Variants in PCNX4 observed in about 807,000 individuals in gnomAD.
PCNX4 encodes the protein pecanex 4, also known as pecanex-like protein 4.
A neutral mutation model predicts 107.2 loss-of-function variants in PCNX4; 103 were observed. The ratio of observed to expected loss-of-function variants is 0.96; its 90% CI spans 0.82 to 1.13. The LOEUF (loss-of-function observed/expected upper bound fraction) is 1.13. Among genes scored for constraint, PCNX4 ranks in the 50% most tolerant of loss-of-function variants. The pLI is 0.00. For missense variants in PCNX4, 1,528 were observed against 1,379.4 expected (o/e 1.11, Z -1.71); for synonymous variants, 541 against 481.7 (o/e 1.12, Z -1.61).
chr14:60,112,684 G>A (rs1408926206), intron 2 of PCNX4, among the ~76,000 whole-genome samples: 2 of 152,116 alleles, frequency 1.3e-5, no homozygotes, highest in Admixed American at 1.3e-4. Flanking sequence ...TGATAGAGGA[G>A]TGTTGTCTTG....
chr14:60,122,005 T>G (rs1487511985), intron 8 of PCNX4, among the ~76,000 whole-genome samples: 1 of 152,226 alleles, frequency 6.6e-6, no homozygotes, highest in African/African-American at 2.4e-5. Context: ...TAGTCCTTGC[T>G]GACAACTCTG....
chr14:60,118,577 T>C lies in PCNX4; in HGVS notation c.1827T>C (p.Ser609=). 6.2e-7 allele frequency: 1 copy of C among 1,613,854 alleles called. No homozygotes were observed. Among genetic ancestry groups the C allele is most frequent in the African/African-American group, 1.3e-5 (1 of 75,046 alleles). ...TGGGGTTTCCCCGACCTATTCAGAG[T>C]TGGCCAGGAGCAGCAGGCACCACAG... ...FLVGFPRPIQ[S]WPGAAGTTAC... is the part of the protein sequence containing the mutation. The change falls in exon 7 of 11, where the codon AGT becomes AGC. Residue 609 remains serine, a synonymous_variant. Transcript: ENST00000406854.
At chr14:60,132,730 T>TA (rs200388831) in intron 10 of PCNX4, among the ~76,000 whole-genome samples, 143 of 147,814 alleles carry the variant, frequency 9.7e-4, no homozygotes, top group Admixed American at 5.3e-3. Context: ...CTAGAATATA[T>TA]AAAAAAAAAA....
chr14:60,123,092 C>G (rs1445353306), intron 8 of PCNX4, among the ~76,000 whole-genome samples: 4 of 152,066 alleles, frequency 2.6e-5, no homozygotes, highest in Non-Finnish European at 5.9e-5. Context: ...TCTAGTCTAA[C>G]CCATACCAGA....
intron 1 of PCNX4, among the ~76,000 whole-genome samples, chr14:60,096,642 A>T (rs1050401573): frequency 6.6e-6 from 1 of 152,204 alleles, no homozygotes; most frequent in Admixed American, 6.5e-5. Flanking sequence ...TAAATAACTG[A>T]TCATTGGCAC....
chr14:60,111,403 T>C (rs886606790), intron 2 of PCNX4, among the ~76,000 whole-genome samples: 48 of 152,054 alleles, frequency 3.2e-4, no homozygotes, highest in African/African-American at 1.2e-3. Context: ...TTATAATTGG[T>C]TTTTTAATAC....
Position 60,115,751 on chromosome 14 carries a change from T to C in PCNX4, c.1390T>C (p.Leu464=), listed in dbSNP as rs374017444. The C allele has an allele frequency of 1.1e-5, 18 of 1,613,442 alleles. No homozygotes were observed. The highest frequency in any genetic ancestry group is 1.1e-4 in the African/African-American group (8 of 75,054). Residue 464 remains leucine (L), a synonymous_variant, in exon 5 of 11, where the codon TTG becomes CTG. Coordinates refer to ENST00000406854, the MANE Select transcript of PCNX4 (RefSeq NM_001330177.2). The part of the protein sequence containing the change: ...SPFAMIAFLS[L]DSSLQGLHSV... ...TTTTGCCATGATAGCATTTCTTTCA[T>C]TGGACAGTTCCTTACAAGGGCTCCA...
chr14:60,146,843 C>T lies in PCNX4; in HGVS notation c.*12622C>T, dbSNP rs1896418467. ...GAAAAACAAGTACTATGTGATTTCA[C>T]TTCTGTGGAATCTAAAAAGTCATAC... On this transcript the variant is annotated 3_prime_UTR_variant, in exon 11 of 11. Coordinates refer to ENST00000406854, the MANE Select transcript of PCNX4 (RefSeq NM_001330177.2). This position sits in a 1 kb window ranked among gnomAD's most constrained non-coding sequence, Gnocchi z 4.9. The T allele has an allele frequency of 1.3e-5, 2 of 152,156 alleles. No individual in the cohort carries two copies. The highest frequency in any genetic ancestry group is 4.8e-5 in the African/African-American group (2 of 41,422). The allele number at this position is 152,156 out of a possible 1,614,324, so 9.4% of individuals were successfully genotyped here.
chr14:60,126,427 A>T (rs147641657), intron 10 of PCNX4, among the ~76,000 whole-genome samples: 12 of 152,346 alleles, frequency 7.9e-5, no homozygotes, highest in African/African-American at 2.6e-4. Context: ...AGTGAAACTG[A>T]TGAAAATTCT....
Position 60,114,806 on chromosome 14 carries a change from G to C in PCNX4, c.796G>C (p.Ala266Pro). Residue 266 changes from alanine to proline, a missense_variant, in exon 3 of 11, where the codon GCA becomes CCA. Physicochemically the swap from Ala to Pro is conservative, Grantham distance 27. Transcript: ENST00000406854. ...ACTTGGGACTCTGCCCCCACCCGAT[G>C]CACTTCTCTTATGGGCAATGGAGCA... ...WALGTLPPPD[A>P]LLLWAMEQVL... is the part of the protein sequence containing the mutation. The C allele has an allele frequency of 6.2e-7, 1 of 1,613,788 alleles. No homozygotes were observed. Among genetic ancestry groups the C allele is most frequent in the Non-Finnish European group, 8.5e-7 (1 of 1,179,848 alleles).
chr14:60,116,885 C>T (rs979940545), intron 6 of PCNX4, among the ~76,000 whole-genome samples: 2 of 151,968 alleles, frequency 1.3e-5, no homozygotes, highest in African/African-American at 4.8e-5. Flanking sequence ...TAGGCCTAGA[C>T]TGATACGTGT....
In PCNX4 at chr14:60,147,929, G is replaced by T. The variant is rs192702203; in HGVS notation, c.*13708G>T. 6.6e-6 allele frequency: 1 copy of T among 152,276 alleles called. No individual in the cohort carries two copies. Among genetic ancestry groups the T allele is most frequent in the Admixed American group, 6.5e-5 (1 of 15,294 alleles). The allele number at this position is 152,276 out of a possible 1,614,324, so 9.4% of individuals were successfully genotyped here. A position where few individuals can be genotyped will look rare whatever the true frequency, so the allele number is the denominator to read the frequency against. On this transcript the variant is annotated 3_prime_UTR_variant, in exon 11 of 11. Transcript: ENST00000406854. The stretch of plus-strand genomic sequence containing the variant: ...GCTGTCCTCCATATTTAAAACTCAG[G>T]TATACTCTTTGATGAAACTCTACCT...
intron 1 of PCNX4, among the ~76,000 whole-genome samples, chr14:60,101,282 C>T (rs1335585063): frequency 1.3e-5 from 2 of 152,164 alleles, no homozygotes; most frequent in Non-Finnish European, 2.9e-5. Flanking sequence ...ACCTTGGGCA[C>T]ATGTTCTGAG....
Position 60,124,407 on chromosome 14 carries a change from A to C in PCNX4, c.2236A>C (p.Ile746Leu), listed in dbSNP as rs753081172. ...TGATGCCAGGAATGTTCTATCAGGC[A>C]TAATTGATTCTCATGAAAACTTAAA... ...YSDARNVLSGIIDSHENLKEF... is the reference protein window; with the variant it reads ...YSDARNVLSGLIDSHENLKEF... Residue 746 changes from isoleucine to leucine, a missense_variant, in exon 9 of 11, where the codon ATA (isoleucine) becomes CTA (leucine). Transcript: ENST00000406854. 2.5e-6 allele frequency: 4 copies of C among 1,613,606 alleles called. No individual in the cohort carries two copies. The East Asian group carries it at 8.9e-5, about 36-fold the overall frequency.
chr14:60,096,254 C>T (rs219304), intron 1 of PCNX4, among the ~76,000 whole-genome samples: 112,477 of 152,096 alleles, frequency 0.74, 44,029 homozygotes, highest in Non-Finnish European at 0.87. Context: ...CTTGTGCTGC[C>T]GTGAGTCTAT....
rs761735652 is a variant in PCNX4 at position 60,145,046 on chromosome 14, C to T, written c.*10825C>T. On this transcript the variant is annotated 3_prime_UTR_variant, in exon 11 of 11. Transcript: ENST00000406854. This position sits in a 1 kb window ranked among gnomAD's most constrained non-coding sequence, Gnocchi z 4.0. ...AGAGGGACAGAAACATGGATCAGTA[C>T]CTACTCCTATTTACTCCAGTTTTTA... 8.9e-6 allele frequency: 13 copies of T among 1,462,656 alleles called. No individual in the cohort carries two copies. The allele number at this position is 1,462,656 out of a possible 1,614,324, so 90.6% of individuals were successfully genotyped here. A position where few individuals can be genotyped will look rare whatever the true frequency, so the allele number is the denominator to read the frequency against.
chr14:60,122,812 A>T (rs1465421341), intron 8 of PCNX4, among the ~76,000 whole-genome samples: 1 of 152,128 alleles, frequency 6.6e-6, no homozygotes, highest in Non-Finnish European at 1.5e-5. Context: ...GTTTTGTTTT[A>T]TATAATGAAT....
chr14:60,109,629 CAG>C (rs1895696573), intron 2 of PCNX4: 1 of 161,288 alleles, frequency 6.2e-6, no homozygotes, highest in East Asian at 1.9e-4. Context: ...TTAATAGAGA[CAG>C]GGTTTCGCCA....
At chr14:60,115,485 C>T (rs1595170036) in intron 4 of PCNX4, 24 bp downstream of exon 4, 1 of 1,508,194 alleles carries the variant, frequency 6.6e-7, no homozygotes. Flanking sequence ...GTCTATTAAC[C>T]TTGTGTTACA....
Sources: allele counts gnomAD v4.1 joint callset (sites outside exome capture counted in the v4.1 genomes callset), GRCh38; gene constraint gnomAD v4.1.1; non-coding constraint Gnocchi (gnomAD v3.1); transcripts MANE v1.5; gene names NCBI Gene and HGNC (gene_info 2026-07-23, HGNC 2026-07-21).